The following CTNNA2 variants were observed in gnomAD, a reference collection of about 807,000 sequenced individuals.
The protein encoded by CTNNA2 is catenin alpha 2, also known as catenin alpha-2.
Under a neutral mutation model 101.0 loss-of-function variants are expected in CTNNA2, and 42 were observed. The ratio of observed to expected loss-of-function variants is 0.42; its 90% confidence interval spans 0.32 to 0.54. CTNNA2 has a LOEUF of 0.54. CTNNA2 is among the 20% of genes least tolerant of loss of function. CTNNA2 has a pLI of 0.14. For missense variants in CTNNA2, 871 were observed against 1,223.1 expected, an observed-to-expected ratio of 0.71 and a Z score of 4.29; for synonymous variants, 450 against 456.4, an observed-to-expected ratio of 0.99 and a Z score of 0.18.
chr2:80,224,280 T>C (rs1708746348), intron 7 of CTNNA2, among the ~76,000 whole-genome samples: 1 of 152,154 alleles, frequency 6.6e-6, no homozygotes. Context: ...TTCTCTTTTA[T>C]AATTAATGAA....
At chr2:80,462,485 T>G in intron 9 of CTNNA2, among the ~76,000 whole-genome samples, 1 of 152,140 alleles carries the variant, frequency 6.6e-6, no homozygotes, top group East Asian at 1.9e-4. Flanking sequence ...GTAGGCAGCA[T>G]CATTTACTCA....
intron 9 of CTNNA2, among the ~76,000 whole-genome samples, chr2:80,444,079 T>C (rs1394760083): frequency 6.6e-6 from 1 of 152,232 alleles, no homozygotes; most frequent in African/African-American, 2.4e-5. Context: ...GTGCACTTTC[T>C]ACTCTCCCAT....
chr2:79,204,737 G>A (rs1215244302), intron 2 of CTNNA2, among the ~76,000 whole-genome samples: 4 of 152,194 alleles, frequency 2.6e-5, no homozygotes, highest in Non-Finnish European at 5.9e-5. Flanking sequence ...GGTGAGGGCT[G>A]TATCCTACTT....
At chr2:80,178,717 T>G (rs140251033) in intron 7 of CTNNA2, among the ~76,000 whole-genome samples, 1 of 152,160 alleles carries the variant, frequency 6.6e-6, no homozygotes, top group East Asian at 1.9e-4. Flanking sequence ...AAAATCCAAA[T>G]AGACCCACTT....
At chr2:80,216,125 G>T (rs1287110824) in intron 7 of CTNNA2, among the ~76,000 whole-genome samples, 1 of 152,200 alleles carries the variant, frequency 6.6e-6, no homozygotes, top group Admixed American at 6.5e-5. Flanking sequence ...GCAGTATTAG[G>T]GTGGGAGTAT....
chr2:80,259,947 T>C (rs1021710639), intron 7 of CTNNA2, among the ~76,000 whole-genome samples: 3 of 152,182 alleles, frequency 2.0e-5, no homozygotes, highest in South Asian at 2.1e-4. Context: ...TGGACCACAA[T>C]GTGGCCAATA....
intron 7 of CTNNA2, among the ~76,000 whole-genome samples, chr2:79,945,558 G>A (rs576806997): frequency 1.3e-5 from 2 of 152,246 alleles, no homozygotes; most frequent in East Asian, 1.9e-4. Context: ...ATTGACCAAT[G>A]TGTTTAATTC....
chr2:79,327,439 G>C (rs1242633864), intron 3 of CTNNA2, among the ~76,000 whole-genome samples: 2 of 152,180 alleles, frequency 1.3e-5, no homozygotes, highest in South Asian at 4.1e-4. Context: ...ACAGGATTGA[G>C]CCTGAATACT....
intron 7 of CTNNA2, among the ~76,000 whole-genome samples, chr2:80,183,259 C>A (rs1705901566): frequency 2.0e-5 from 3 of 152,092 alleles, no homozygotes; most frequent in African/African-American, 7.2e-5. Context: ...TGACTGGAAC[C>A]TTTTCAGTTT....
At chr2:79,279,080 A>G (rs1020614460) in intron 2 of CTNNA2, among the ~76,000 whole-genome samples, 1 of 152,126 alleles carries the variant, frequency 6.6e-6, no homozygotes, top group African/African-American at 2.4e-5. Context: ...TGAACCTTTA[A>G]TCTCAATATT....
intron 7 of CTNNA2, among the ~76,000 whole-genome samples, chr2:80,388,009 G>A (rs150317792): frequency 2.5e-3 from 378 of 152,320 alleles, no homozygotes; most frequent in African/African-American, 8.7e-3. Flanking sequence ...AAGAAGAAAA[G>A]TGGGGAGCAG....
chr2:80,401,909 G>T (rs1352449434), intron 8 of CTNNA2, among the ~76,000 whole-genome samples: 2 of 152,126 alleles, frequency 1.3e-5, no homozygotes, highest in Non-Finnish European at 2.9e-5. Context: ...GACACCAGCT[G>T]TCTGTCCTAT....
chr2:79,221,302 C>T (rs2104221409), intron 2 of CTNNA2, among the ~76,000 whole-genome samples: 1 of 152,278 alleles, frequency 6.6e-6, no homozygotes, highest in South Asian at 2.1e-4. Flanking sequence ...CCTGTACCTC[C>T]ATGCCTTCCT....
chr2:79,750,339 C>G (rs1671936095), intron 3 of CTNNA2, among the ~76,000 whole-genome samples: 1 of 152,186 alleles, frequency 6.6e-6, no homozygotes, highest in Non-Finnish European at 1.5e-5. Context: ...CACCCCTCTT[C>G]AATTAAATCA....
chr2:79,499,910 A>T (rs1448818430), intron 4 of CTNNA2, among the ~76,000 whole-genome samples: 1 of 152,224 alleles, frequency 6.6e-6, no homozygotes, highest in Non-Finnish European at 1.5e-5. Flanking sequence ...AAAATCTGCA[A>T]TATTGGCCAG....
At chr2:80,216,451 A>G (rs994642574) in intron 7 of CTNNA2, among the ~76,000 whole-genome samples, 1 of 152,270 alleles carries the variant, frequency 6.6e-6, no homozygotes. Context: ...TGTGTCCAAC[A>G]AAATTCATAT....
chr2:80,537,841 A>T (rs185505174), intron 9 of CTNNA2, among the ~76,000 whole-genome samples: 1 of 151,736 alleles, frequency 6.6e-6, no homozygotes, highest in Admixed American at 6.6e-5. Context: ...AATCCACTCA[A>T]CTCGGCCTCC....
At chr2:79,371,449 T>C (rs1677869837) in intron 3 of CTNNA2, among the ~76,000 whole-genome samples, 1 of 151,456 alleles carries the variant, frequency 6.6e-6, no homozygotes. Flanking sequence ...AAAGTCGGAG[T>C]GGGAAACAGA....
intron 7 of CTNNA2, among the ~76,000 whole-genome samples, chr2:80,119,745 A>G (rs1434119071): frequency 2.6e-5 from 4 of 152,206 alleles, no homozygotes; most frequent in African/African-American, 9.7e-5. Context: ...GTCATCTATA[A>G]CTACATTTTT....
Sources: gnomAD v4.1 joint callset for allele counts (sites outside exome capture counted in the v4.1 genomes callset) on GRCh38, gnomAD v4.1.1 for gene constraint, MANE v1.5 for transcripts, NCBI Gene and HGNC (gene_info 2026-07-23, HGNC 2026-07-21) for gene names.